Variants in ANKS1B observed in about 807,000 individuals in gnomAD.
ANKS1B encodes the protein ankyrin repeat and sterile alpha motif domain containing 1B.
A neutral mutation model predicts 148.3 loss-of-function variants in ANKS1B; 36 were observed. That is an observed-to-expected ratio of 0.24 (90% confidence interval 0.19 to 0.32). The LOEUF (loss-of-function observed/expected upper bound fraction) is 0.32. Ranked by LOEUF, ANKS1B falls within the 10% of genes least tolerant of loss-of-function variation. ANKS1B has a pLI of 1.00. For synonymous variants in ANKS1B, 542 were observed against 560.8 expected (o/e 0.97, Z 0.47); for missense variants, 1,157 against 1,542.6 (o/e 0.75, Z 4.19).
intron 9 of ANKS1B, among the ~76,000 whole-genome samples, chr12:99,530,366 A>G (rs17471802): frequency 0.14 from 20,782 of 152,200 alleles, 1,625 homozygotes; most frequent in Non-Finnish European, 0.17. Context: ...GCAGGTGAGA[A>G]GATCACAAAG....
At chr12:99,337,935 C>A (rs2152314775) in intron 12 of ANKS1B, among the ~76,000 whole-genome samples, 1 of 152,332 alleles carries the variant, frequency 6.6e-6, no homozygotes, top group Middle Eastern at 3.4e-3. Context: ...GGCACAAACA[C>A]TCCTGTGGCC....
At chr12:99,944,466 T>C (rs1207571949) in intron 1 of ANKS1B, among the ~76,000 whole-genome samples, 1 of 152,098 alleles carries the variant, frequency 6.6e-6, no homozygotes, top group Non-Finnish European at 1.5e-5. Context: ...CACACAGACA[T>C]GGAAGGACAG....
chr12:99,277,471 GA>G (rs2077823164), intron 12 of ANKS1B, among the ~76,000 whole-genome samples: 1 of 152,120 alleles, frequency 6.6e-6, no homozygotes, highest in South Asian at 2.1e-4. Flanking sequence ...AAATTAAAAA[GA>G]ATATTGTTTA....
At position 98,891,891 on chromosome 12, in the gene ANKS1B, G is replaced by T. The variant is rs117699904; in HGVS notation, c.2779-59755C>A. Among the ~76,000 whole-genome samples the T allele has an allele frequency of 7.2e-5, 11 of 152,242 alleles. 1 individual carries two copies. The East Asian group carries it at 2.1e-3, about 29-fold the overall frequency. Reference sequence around the variant, plus strand: ...TTCACACTTCTGTTAATTACTGGTGGTCCATGGAAGATGTTATAGTTTGAT... The same window carrying T: ...TTCACACTTCTGTTAATTACTGGTGTTCCATGGAAGATGTTATAGTTTGAT... On this transcript the variant is annotated intron_variant, in intron 17 of 26. Coordinates refer to ENST00000683438, the MANE Select transcript of ANKS1B (RefSeq NM_001352186.2).
chr12:99,326,290 G>T (rs558152584), intron 12 of ANKS1B, among the ~76,000 whole-genome samples: 149 of 152,090 alleles, frequency 9.8e-4, no homozygotes, highest in Non-Finnish European at 1.7e-3. Flanking sequence ...TTTCTGGAGG[G>T]TCAAAAAATG....
chr12:99,116,422 A>G (rs982988194), intron 15 of ANKS1B, among the ~76,000 whole-genome samples: 2 of 152,184 alleles, frequency 1.3e-5, no homozygotes, highest in African/African-American at 2.4e-5. Flanking sequence ...AGCATTTTAC[A>G]TCATAGGATT....
chr12:99,735,791 A>T (rs1463893167), intron 8 of ANKS1B, among the ~76,000 whole-genome samples: 1 of 147,338 alleles, frequency 6.8e-6, no homozygotes, highest in Non-Finnish European at 1.5e-5. Context: ...TACTAAAGCC[A>T]GACAAGGACA....
intron 17 of ANKS1B, among the ~76,000 whole-genome samples, chr12:98,885,123 C>A (rs1338467985): frequency 6.6e-6 from 1 of 152,156 alleles, no homozygotes; most frequent in African/African-American, 2.4e-5. Flanking sequence ...CTAAAATATA[C>A]ATTCCAGAAT....
chr12:99,227,619 G>C (rs1315225889), intron 14 of ANKS1B, among the ~76,000 whole-genome samples: 1 of 152,136 alleles, frequency 6.6e-6, no homozygotes, highest in Non-Finnish European at 1.5e-5. Flanking sequence ...GCCGGGATCT[G>C]CAACCTCATG....
chr12:99,191,014 T>C (rs1020624614), intron 14 of ANKS1B, among the ~76,000 whole-genome samples: 18 of 147,990 alleles, frequency 1.2e-4, no homozygotes, highest in Non-Finnish European at 1.9e-4. Flanking sequence ...AAAAAACAAA[T>C]AATCTCATCA....
At chr12:99,467,012 T>C (rs577975983) in intron 10 of ANKS1B, among the ~76,000 whole-genome samples, 2 of 152,310 alleles carry the variant, frequency 1.3e-5, no homozygotes, top group Admixed American at 1.3e-4. Context: ...ACCAATATCC[T>C]TGATGAACAC....
chr12:98,902,738 A>G (rs959273369), intron 17 of ANKS1B, among the ~76,000 whole-genome samples: 1 of 152,248 alleles, frequency 6.6e-6, no homozygotes, highest in Non-Finnish European at 1.5e-5. Flanking sequence ...TAAGGATTAA[A>G]TATAAGTACA....
intron 9 of ANKS1B, among the ~76,000 whole-genome samples, chr12:99,646,384 C>T (rs938659772): frequency 6.6e-6 from 1 of 152,102 alleles, no homozygotes; most frequent in Non-Finnish European, 1.5e-5. Context: ...GTGGGCTGGG[C>T]ACGGTGGCTC....
At chr12:99,878,314 C>A (rs970761021) in intron 1 of ANKS1B, among the ~76,000 whole-genome samples, 2 of 152,162 alleles carry the variant, frequency 1.3e-5, no homozygotes, top group Admixed American at 1.3e-4. Context: ...CACACTTGGT[C>A]ATATCTAACT....
chr12:99,565,408 G>A (rs2097378937), intron 9 of ANKS1B, among the ~76,000 whole-genome samples: 1 of 152,134 alleles, frequency 6.6e-6, no homozygotes, highest in African/African-American at 2.4e-5. Flanking sequence ...AACCTATAAT[G>A]GTAGGATAGG....
intron 14 of ANKS1B, among the ~76,000 whole-genome samples, chr12:99,196,987 C>T (rs991047127): frequency 5.9e-5 from 9 of 152,126 alleles, no homozygotes. Flanking sequence ...TACCTAGCAA[C>T]CCCAAAGCCA....
chr12:99,603,541 A>G (rs1401182109), intron 9 of ANKS1B, among the ~76,000 whole-genome samples: 1 of 152,114 alleles, frequency 6.6e-6, no homozygotes, highest in African/African-American at 2.4e-5. Flanking sequence ...AGCCTTGATA[A>G]CATAGCCAGT....
At chr12:99,895,169 A>G (rs2093336113) in intron 1 of ANKS1B, among the ~76,000 whole-genome samples, 1 of 151,072 alleles carries the variant, frequency 6.6e-6, no homozygotes. Context: ...ATTATTCTCC[A>G]TAATGTGGGC....
chr12:99,335,792 C>T (rs964558474), intron 12 of ANKS1B, among the ~76,000 whole-genome samples: 1 of 152,026 alleles, frequency 6.6e-6, no homozygotes. Context: ...TCCAAACTTT[C>T]GCTATTGTGA....
Sources: gnomAD v4.1 joint callset for allele counts (sites outside exome capture counted in the v4.1 genomes callset) on GRCh38, gnomAD v4.1.1 for gene constraint, MANE v1.5 for transcripts, NCBI Gene and HGNC (gene_info 2026-07-23, HGNC 2026-07-21) for gene names.